MED16: variants seen among roughly 807,000 people sequenced by gnomAD.
MED16 encodes the protein mediator of RNA polymerase II transcription subunit 16.
MED16 carries 81 observed loss-of-function variants against 84.4 expected under a neutral mutation model. The observed-to-expected ratio is 0.96, with a 90% confidence interval of 0.80 to 1.15. MED16 has a LOEUF of 1.15. Among genes scored for constraint, MED16 ranks in the 50% most tolerant of loss-of-function variants. The pLI, the probability that MED16 is intolerant of heterozygous loss-of-function variation, is 0.00. For missense variants in MED16, 1,585 were observed against 1,245.9 expected, an observed-to-expected ratio of 1.27 and a Z score of -4.10; for synonymous variants, 897 against 552.2, an observed-to-expected ratio of 1.62 and a Z score of -8.76.
intron 1 of MED16, 37 bp from the exon 2 acceptor site, chr19:891,186 C>T: frequency 1.9e-6 from 3 of 1,568,034 alleles, no homozygotes; most frequent in Middle Eastern, 1.7e-4. Flanking sequence ...TCTATGTTGG[C>T]TGAGCACCCA....
chr19:882,966 T>C (rs1230711178), intron 6 of MED16, among the ~76,000 whole-genome samples: 1 of 152,012 alleles, frequency 6.6e-6, no homozygotes, highest in Non-Finnish European at 1.5e-5. Context: ...TGGTCAGGGG[T>C]GGCTGGCCCT....
chr19:881,792 C>T, intron 6 of MED16, 78 bp from the exon 7 acceptor site: 2 of 1,530,782 alleles, frequency 1.3e-6, no homozygotes, highest in Non-Finnish European at 1.8e-6. Context: ...TCCAGCATGG[C>T]CTGGTGTGCA....
At chr19:877,292 G>GCC (rs199777946) in intron 8 of MED16, 112 bp from the exon 9 acceptor site, 18 of 975,966 alleles carry the variant, frequency 1.8e-5, no homozygotes, top group African/African-American at 3.8e-5. Context: ...GTGCGCGCAC[G>GCC]CCCGTGTGTG....
In MED16 at chr19:885,914, G is replaced by A. The variant is rs139216027; in HGVS notation, c.735C>T (p.Cys245=). 4.0e-5 allele frequency: 65 copies of A among 1,613,416 alleles called. No homozygotes were observed. The highest frequency in any genetic ancestry group is 1.0e-4 in the Admixed American group (6 of 60,014). ...GGCACTTCTCGCTCACCACGCTCAC[G>A]CACACCTTGTAGAACTGCACGGGCG... ...SASPVQFYKV[C]VSVVSEKCRI... The change falls in exon 5 of 16, where the codon TGC becomes TGT. Residue 245 remains cysteine (C), a synonymous_variant. Transcript: ENST00000325464.
chr19:891,948 C>A lies in MED16; in HGVS notation c.-18-799G>T, dbSNP rs2965291. ...GAGTGTGATGGGGAACACCTGTGGCCGAGCCGGGGGCTGAGTGTGACGGGG... is the reference window on the plus strand; with the variant it reads ...GAGTGTGATGGGGAACACCTGTGGCAGAGCCGGGGGCTGAGTGTGACGGGG... On this transcript the variant is annotated intron_variant, in intron 1 of 15. Coordinates refer to ENST00000325464, the MANE Select transcript of MED16 (RefSeq NM_005481.3). Among the ~76,000 whole-genome samples, 121 of 116,180 alleles carry A rather than the reference C, an allele frequency of 1.0e-3. 4 individuals are homozygous for A. Among genetic ancestry groups the A allele is most frequent in the Non-Finnish European group, 1.8e-3 (98 of 54,746 alleles). The allele number at this position is 116,180 out of a possible 152,430, so 76.2% of individuals were successfully genotyped here.
In MED16 at chr19:884,998, C is replaced by T. The variant is rs974137204; in HGVS notation, c.890G>A (p.Cys297Tyr). 1.2e-6 allele frequency: 2 copies of T among 1,601,374 alleles called. No homozygotes were observed. ...ARDMSEQVLL[C>Y]ASSQTSSIVE... is the part of the protein sequence containing the mutation. The stretch of plus-strand genomic sequence containing the variant: ...GATGCTGCTGGTCTGGCTGGACGCG[C>T]ACAAAAGCACCTGCGGGGGAGGTGG... The change falls in exon 6 of 16, where the codon TGC becomes TAC. Residue 297 changes from cysteine (C) to tyrosine (Y), a missense_variant. Coordinates refer to ENST00000325464, the MANE Select transcript of MED16 (RefSeq NM_005481.3).
intron 4 of MED16, among the ~76,000 whole-genome samples, chr19:888,276 C>T (rs1337742380): frequency 6.6e-6 from 1 of 151,926 alleles, no homozygotes; most frequent in Non-Finnish European, 1.5e-5. Context: ...AATCCCAGCA[C>T]TTTGGGAGGC....
In MED16 at chr19:868,180, T is replaced by C. The variant is rs376569068; in HGVS notation, c.2555A>G (p.Gln852Arg). 2 of 1,609,792 alleles carry C rather than the reference T, an allele frequency of 1.2e-6. No homozygotes were observed. Among genetic ancestry groups the C allele is most frequent in the African/African-American group, 2.7e-5 (2 of 74,888 alleles). ...GTGGTGTGTGGACTGCGGGCCCAGC[T>C]GGACAAAGGCAGGGGCTTCCTCAGA... ...RASEEAPAFV[Q>R]LGPQSTHHSP... Residue 852 changes from glutamine to arginine, a missense_variant, in exon 16 of 16, where the codon CAG (glutamine) becomes CGG (arginine). Transcript: ENST00000325464.
At position 871,223 on chromosome 19, in the gene MED16, T is replaced by C. The variant is rs745837160; in HGVS notation, c.2129A>G (p.Asp710Gly). The change falls in exon 13 of 16, where the codon GAC becomes GGC. Residue 710 changes from aspartate (D) to glycine (G), a missense_variant. By Grantham distance (94) the Asp-to-Gly change is moderately conservative. Coordinates refer to ENST00000325464, the MANE Select transcript of MED16 (RefSeq NM_005481.3). ...GCAGCATTCATCCACCAGCGCCTCG[T>C]CCGGCTCGCTCGCTGGGCCCTCATC... is the stretch of plus-strand genomic sequence containing the variant. ...CRDEGPASEP[D>G]EALVDECCLL... 5 of 1,543,008 alleles carry C rather than the reference T, an allele frequency of 3.2e-6. No individual in the cohort carries two copies. The highest frequency in any genetic ancestry group is 4.4e-6 in the Non-Finnish European group (5 of 1,141,340).
At chr19:878,115 A>G (rs113251487) in intron 8 of MED16, among the ~76,000 whole-genome samples, 5,410 of 33,122 alleles carry the variant, frequency 0.16, 1 homozygote, top group African/African-American at 0.2. Context: ...TGCCCCAGCA[A>G]CTCACCTTCC....
chr19:886,061 G>T lies in MED16; in HGVS notation c.588C>A (p.Ser196Arg), dbSNP rs761020417. ...GLVTVSLLKP[S>R]GQVLTSTESL... ...TCTCGGTGGACGTCAGCACCTGCCC[G>T]CTGGGCTTCAGCAGGGACACGGTGA... is the stretch of plus-strand genomic sequence containing the variant. Residue 196 changes from serine (S) to arginine (R), a missense_variant, in exon 5 of 16, where the codon AGC becomes AGA. Coordinates refer to ENST00000325464, the MANE Select transcript of MED16 (RefSeq NM_005481.3). 1 of 1,592,298 alleles carries T rather than the reference G, an allele frequency of 6.3e-7. No individual in the cohort carries two copies. Among genetic ancestry groups the T allele is most frequent in the Non-Finnish European group, 8.5e-7 (1 of 1,173,916 alleles).
chr19:871,249 G>T lies in MED16; in HGVS notation c.2103C>A (p.Arg701=). The change falls in exon 13 of 16, where the codon CGC becomes CGA. Residue 701 remains arginine, a synonymous_variant. Transcript: ENST00000325464. ...RLLTKLWICC[R]DEGPASEPDE... is the part of the protein sequence containing the mutation. The stretch of plus-strand genomic sequence containing the variant: ...CCGGCTCGCTCGCTGGGCCCTCATC[G>T]CGACCTGCGGAGAGAGGTGGCGGAA... The T allele has an allele frequency of 6.5e-7, 1 of 1,535,596 alleles. No homozygotes were observed. Among genetic ancestry groups the T allele is most frequent in the Non-Finnish European group, 8.8e-7 (1 of 1,136,264 alleles).
At position 879,996 on chromosome 19, in the gene MED16, T is replaced by G; in HGVS notation, c.1294A>C (p.Lys432Gln). ...GACGTCCACGATAGCTGCATAGCCTTTAAGTGGACGGCGGGGCCCGCGGTG... is the reference window on the plus strand; with the variant it reads ...GACGTCCACGATAGCTGCATAGCCTGTAAGTGGACGGCGGGGCCCGCGGTG... ...PRTAGPAVHL[K>Q]AMQLSWTSLA... is the part of the protein sequence containing the mutation. The change falls in exon 8 of 16, where the codon AAG becomes CAG. Residue 432 changes from lysine (K) to glutamine (Q), a missense_variant. Physicochemically the swap from Lys to Gln is moderately conservative, Grantham distance 53 (BLOSUM62 1). Transcript: ENST00000325464. 1 of 1,609,924 alleles carries G rather than the reference T, an allele frequency of 6.2e-7. No homozygotes were observed. The highest frequency in any genetic ancestry group is 8.5e-7 in the Non-Finnish European group (1 of 1,178,632).
chr19:877,671 T>C (rs1268441350), intron 8 of MED16, among the ~76,000 whole-genome samples: 3 of 117,134 alleles, frequency 2.6e-5, no homozygotes, highest in Admixed American at 8.1e-5. Context: ...CAGACCCACG[T>C]GCCCCAGCAG....
chr19:872,158 G>C (rs751254645), intron 11 of MED16, 40 bp from the exon 12 acceptor site: 1 of 1,550,860 alleles, frequency 6.4e-7, no homozygotes, highest in South Asian at 1.2e-5. Context: ...GGCGGCGGGG[G>C]GCAGATGGCG....
At chr19:881,848 GC>G (rs752808867) in intron 6 of MED16, 134 bp from the exon 7 acceptor site, 110 of 1,099,208 alleles carry the variant, frequency 1.0e-4, no homozygotes, top group Non-Finnish European at 1.4e-4. Flanking sequence ...CTGCTCCCAT[GC>G]CCAGAAGACC....
Position 868,888 on chromosome 19 carries a change from TG to T in MED16, c.2373del (p.Thr792ArgfsTer25). 1.3e-6 allele frequency: 2 copies of T among 1,551,804 alleles called. No individual in the cohort carries two copies. On this transcript the variant is annotated frameshift_variant, in exon 14 of 16. Transcript: ENST00000325464. LOFTEE classifies it high-confidence loss of function. ...HLRRLHLGACPTEECKACTRC... is the reference protein window; with the variant it reads ...HLRRLHLGACXTEECKACTRC... ...CTGGTGCAGGCCTTGCATTCCTCCG[TG>T]GGGCAAGCGCCAAGGTGCAGCCTCC... is the stretch of plus-strand genomic sequence containing the variant.
chr19:890,105 C>A (rs756218393), intron 3 of MED16, 32 bp downstream of exon 3: 1 of 1,506,378 alleles, frequency 6.6e-7, no homozygotes, highest in Admixed American at 2.0e-5. Context: ...ATCCGGGTCG[C>A]CACCCCTGGC....
At chr19:876,488 T>C (rs2145210675) in intron 9 of MED16, among the ~76,000 whole-genome samples, 1 of 152,190 alleles carries the variant, frequency 6.6e-6, no homozygotes, top group South Asian at 2.1e-4. Context: ...CTGGGAACAC[T>C]GGAGAGGGGA....
Sources: allele counts gnomAD v4.1 joint callset (sites outside exome capture counted in the v4.1 genomes callset), GRCh38; gene constraint gnomAD v4.1.1; transcripts MANE v1.5; gene names NCBI Gene and HGNC (gene_info 2026-07-23, HGNC 2026-07-21).